PARD3: variants seen among roughly 807,000 people sequenced by gnomAD.
PARD3 encodes the protein par-3 family cell polarity regulator, also known as partitioning defective 3 homolog.
PARD3 carries 75 observed loss-of-function variants against 155.4 expected under a neutral mutation model. The ratio of observed to expected loss-of-function variants is 0.48; its 90% CI spans 0.40 to 0.58. The LOEUF (loss-of-function observed/expected upper bound fraction) is 0.58. Among genes scored for constraint, PARD3 ranks in the 20% least tolerant of loss-of-function variants. PARD3 has a pLI of 0.00. For missense variants in PARD3, 1,642 were observed against 1,721.7 expected (o/e 0.95, Z 0.82); for synonymous variants, 576 against 610.5 (o/e 0.94, Z 0.83).
chr10:34,678,343 G>A (rs2093750728), intron 2 of PARD3, among the ~76,000 whole-genome samples: 1 of 152,024 alleles, frequency 6.6e-6, no homozygotes, highest in Non-Finnish European at 1.5e-5. Flanking sequence ...CAAAGTGCTG[G>A]GATTACAAGC....
chr10:34,562,770 T>G (rs558287185), intron 2 of PARD3, among the ~76,000 whole-genome samples: 171 of 152,178 alleles, frequency 1.1e-3, no homozygotes, highest in Admixed American at 2.1e-3. Context: ...TTTTTTTTTT[T>G]TAATTCTAAG....
chr10:34,609,438 G>A lies in PARD3; in HGVS notation c.222+86880C>T, dbSNP rs527688900. On this transcript the variant is annotated intron_variant, in intron 2 of 24. Transcript: ENST00000374788. Reference sequence around the variant, plus strand: ...CACCAATCTCAATACTGTCAAGACTGTGTGGATACTGAAACCTGCTCTTAG... The same window carrying A: ...CACCAATCTCAATACTGTCAAGACTATGTGGATACTGAAACCTGCTCTTAG... Among the ~76,000 whole-genome samples the A allele has an allele frequency of 1.2e-4, 18 of 152,318 alleles. No individual in the cohort carries two copies. The South Asian group carries it at 1.2e-3, about 11-fold the overall frequency.
chr10:34,533,442 A>G (rs1367452327), intron 2 of PARD3, among the ~76,000 whole-genome samples: 2 of 152,148 alleles, frequency 1.3e-5, no homozygotes, highest in African/African-American at 2.4e-5. Context: ...AGTTGAAAAT[A>G]TTTTTTTAAA....
At chr10:34,767,234 A>T in intron 1 of PARD3, among the ~76,000 whole-genome samples, 1 of 152,254 alleles carries the variant, frequency 6.6e-6, no homozygotes, top group East Asian at 1.9e-4. Flanking sequence ...AGACAAAGTC[A>T]AACATGTAAG....
intron 22 of PARD3, among the ~76,000 whole-genome samples, chr10:34,162,747 T>C (rs1406440922): frequency 6.6e-6 from 1 of 152,126 alleles, no homozygotes; most frequent in Non-Finnish European, 1.5e-5. Context: ...AAATGACTAG[T>C]AAGGAAACTC....
At chr10:34,302,550 C>T (rs1957204776) in intron 20 of PARD3, among the ~76,000 whole-genome samples, 1 of 152,144 alleles carries the variant, frequency 6.6e-6, no homozygotes, top group South Asian at 2.1e-4. Context: ...TAGCCACTAC[C>T]CTATGCTGCT....
chr10:34,732,629 T>C (rs1418681340), intron 1 of PARD3, among the ~76,000 whole-genome samples: 4 of 152,028 alleles, frequency 2.6e-5, no homozygotes, highest in Admixed American at 6.6e-5. Flanking sequence ...ACCCAGGAGT[T>C]TGGGGCTACA....
At position 34,245,703 on chromosome 10, in the gene PARD3, G is replaced by A. The variant is rs150022658; in HGVS notation, c.3419+23954C>T. Among the ~76,000 whole-genome samples the A allele has an allele frequency of 7.0e-4, 106 of 152,316 alleles. 3 individuals carry two copies. The East Asian group carries it at 0.02, about 28-fold the overall frequency. On this transcript the variant is annotated intron_variant, in intron 22 of 24. Coordinates refer to ENST00000374788, the MANE Select transcript of PARD3 (RefSeq NM_001184785.2). ...GGAACTAGGTATGAGGGCTAAGGACGGAGAAGCAAGAAGAGCACAGGAGAT... is the reference window on the plus strand; with the variant it reads ...GGAACTAGGTATGAGGGCTAAGGACAGAGAAGCAAGAAGAGCACAGGAGAT...
At chr10:34,692,597 A>G (rs1269749224) in intron 2 of PARD3, among the ~76,000 whole-genome samples, 1 of 152,202 alleles carries the variant, frequency 6.6e-6, no homozygotes, top group African/African-American at 2.4e-5. Flanking sequence ...CAAAGAGGCC[A>G]GGCGTGGTGG....
intron 20 of PARD3, among the ~76,000 whole-genome samples, chr10:34,297,942 G>A (rs1037906694): frequency 6.6e-6 from 1 of 152,232 alleles, no homozygotes; most frequent in Non-Finnish European, 1.5e-5. Context: ...AAAGACAGTA[G>A]TTAAGAGCAT....
chr10:34,510,890 AAC>A, intron 3 of PARD3, among the ~76,000 whole-genome samples: 1 of 152,352 alleles, frequency 6.6e-6, no homozygotes, highest in East Asian at 1.9e-4. Flanking sequence ...TAATTTCAAT[AAC>A]CTTATTGCAT....
chr10:34,389,764 C>T (rs1842704043), intron 7 of PARD3, among the ~76,000 whole-genome samples: 1 of 152,066 alleles, frequency 6.6e-6, no homozygotes, highest in Non-Finnish European at 1.5e-5. Flanking sequence ...AAAGTACTGC[C>T]ACTGAAAGCA....
intron 20 of PARD3, among the ~76,000 whole-genome samples, chr10:34,285,744 A>G (rs974241967): frequency 9.2e-5 from 14 of 152,352 alleles, no homozygotes; most frequent in African/African-American, 2.6e-4. Flanking sequence ...ATATGTGGGC[A>G]TATCTCATCT....
intron 22 of PARD3, among the ~76,000 whole-genome samples, chr10:34,159,245 T>C (rs530527108): frequency 6.6e-6 from 1 of 152,324 alleles, no homozygotes; most frequent in Admixed American, 6.5e-5. Flanking sequence ...GCTAAAGACC[T>C]GGAGGAGGTT....
At chr10:34,781,833 T>C (rs1379214497) in intron 1 of PARD3, among the ~76,000 whole-genome samples, 1 of 152,216 alleles carries the variant, frequency 6.6e-6, no homozygotes, top group Non-Finnish European at 1.5e-5. Context: ...GACAGAACAC[T>C]GTGCTCTATC....
rs556721830 is a variant in PARD3 at position 34,184,601 on chromosome 10, A to G, written c.3420-53018T>C. Among the ~76,000 whole-genome samples the G allele has an allele frequency of 2.0e-5, 3 of 152,162 alleles. No homozygotes were observed. The South Asian group carries it at 6.2e-4, about 32-fold the overall frequency. ...TATTCATGCCTTATAAGAAAACCAA[A>G]GTCTCTTTAACTAGGTCTTCCTCTG... On this transcript the variant is annotated intron_variant, in intron 22 of 24. Transcript: ENST00000374788.
At chr10:34,545,914 T>C (rs747506796) in intron 2 of PARD3, among the ~76,000 whole-genome samples, 15 of 152,202 alleles carry the variant, frequency 9.9e-5, no homozygotes, top group African/African-American at 2.2e-4. Context: ...TCCATAGGCA[T>C]AGAAAGGCAA....
At chr10:34,115,726 T>C (rs1451641358) in intron 24 of PARD3, among the ~76,000 whole-genome samples, 2 of 151,644 alleles carry the variant, frequency 1.3e-5, no homozygotes, top group Non-Finnish European at 2.9e-5. Flanking sequence ...TTTTTTTTTT[T>C]CTTTGAGACG....
At chr10:34,756,863 T>C (rs1836809980) in intron 1 of PARD3, among the ~76,000 whole-genome samples, 1 of 152,198 alleles carries the variant, frequency 6.6e-6, no homozygotes, top group African/African-American at 2.4e-5. Context: ...AAGGGAACAC[T>C]GCTAACAGAT....
Sources: gnomAD v4.1 joint callset for allele counts (sites outside exome capture counted in the v4.1 genomes callset) on GRCh38, gnomAD v4.1.1 for gene constraint, MANE v1.5 for transcripts, NCBI Gene and HGNC (gene_info 2026-07-23, HGNC 2026-07-21) for gene names.